PPFIA2: variants seen among roughly 807,000 people sequenced by gnomAD.
PPFIA2 encodes the protein PPFI scaffold protein A2.
In PPFIA2, 46 loss-of-function variants were observed where a neutral mutation model predicts 175.5. That is an observed-to-expected ratio of 0.26 (90% CI 0.21 to 0.34). The LOEUF (loss-of-function observed/expected upper bound fraction) is 0.34, where lower values mean the gene tolerates loss of function less well. PPFIA2 is among the 10% of genes least tolerant of loss of function. The probability of loss-of-function intolerance (pLI) is 1.00; values close to 1 mark genes in which losing one functional copy is unlikely to be tolerated. For synonymous variants in PPFIA2, 568 were observed against 511.4 expected, an observed-to-expected ratio of 1.11 and a Z score of -1.49; for missense variants, 1,179 against 1,506.1, an observed-to-expected ratio of 0.78 and a Z score of 3.60.
chr12:81,342,558 A>C (rs2058305105), intron 19 of PPFIA2, among the ~76,000 whole-genome samples: 1 of 152,112 alleles, frequency 6.6e-6, no homozygotes, highest in South Asian at 2.1e-4. Flanking sequence ...TTTTTATATA[A>C]TTCCTTTGCT....
chr12:81,314,576 C>T (rs2051841897), intron 22 of PPFIA2, among the ~76,000 whole-genome samples: 1 of 151,858 alleles, frequency 6.6e-6, no homozygotes, highest in Admixed American at 6.6e-5. Context: ...AAATGACCAG[C>T]AAACATATGT....
chr12:81,455,048 A>G (rs1377675121), intron 5 of PPFIA2, among the ~76,000 whole-genome samples: 1 of 152,132 alleles, frequency 6.6e-6, no homozygotes, highest in Non-Finnish European at 1.5e-5. Flanking sequence ...ACAATCTGAC[A>G]CCAATTAAAG....
At chr12:81,416,394 GA>G (rs1452746357) in intron 7 of PPFIA2, among the ~76,000 whole-genome samples, 1 of 151,568 alleles carries the variant, frequency 6.6e-6, no homozygotes, top group Non-Finnish European at 1.5e-5. Flanking sequence ...CCCTACCAAA[GA>G]TAAAGAAACT....
At chr12:81,629,036 T>C (rs928787720) in intron 4 of PPFIA2, among the ~76,000 whole-genome samples, 3 of 152,140 alleles carry the variant, frequency 2.0e-5, no homozygotes, top group Admixed American at 2.0e-4. Flanking sequence ...TTGACCTTTC[T>C]ACCTCTTCCA....
chr12:81,347,513 C>A lies in PPFIA2; in HGVS notation c.2232+20G>T, dbSNP rs377316879. The A allele has an allele frequency of 6.4e-7, 1 of 1,564,382 alleles. No homozygotes were observed. The highest frequency in any genetic ancestry group is 8.8e-7 in the Non-Finnish European group (1 of 1,135,098). On this transcript the variant is annotated intron_variant, in intron 18 of 32. Transcript: ENST00000549396. ...TTAATCTTAACAGGAGGCAAAGGTT[C>A]TCTGGACACATCACCATACCAGTGT...
chr12:81,473,592 C>T (rs965104322), intron 4 of PPFIA2, among the ~76,000 whole-genome samples: 39 of 152,140 alleles, frequency 2.6e-4, no homozygotes, highest in Admixed American at 1.4e-3. Context: ...CTGAAGCAGC[C>T]GCATAATATT....
chr12:81,648,524 T>G (rs969088384), intron 4 of PPFIA2, among the ~76,000 whole-genome samples: 1 of 151,944 alleles, frequency 6.6e-6, no homozygotes, highest in Non-Finnish European at 1.5e-5. Flanking sequence ...TATTCCATAT[T>G]CATGGATCAG....
At chr12:81,434,568 CAG>C in intron 7 of PPFIA2, among the ~76,000 whole-genome samples, 1 of 152,090 alleles carries the variant, frequency 6.6e-6, no homozygotes, top group East Asian at 1.9e-4. Context: ...AACCTGAAAG[CAG>C]AGAGTTAAGA....
intron 8 of PPFIA2, among the ~76,000 whole-genome samples, chr12:81,389,354 G>A (rs2039671317): frequency 1.3e-5 from 2 of 151,676 alleles, no homozygotes; most frequent in South Asian, 4.1e-4. Flanking sequence ...TGGGCTCAAG[G>A]TAAGAGAAAT....
chr12:81,662,238 T>G (rs2069035578), intron 4 of PPFIA2, among the ~76,000 whole-genome samples: 1 of 152,072 alleles, frequency 6.6e-6, no homozygotes, highest in African/African-American at 2.4e-5. Flanking sequence ...AAAAAAACCC[T>G]TCAAAAAATC....
At chr12:81,643,104 T>C (rs2065573659) in intron 4 of PPFIA2, among the ~76,000 whole-genome samples, 1 of 149,600 alleles carries the variant, frequency 6.7e-6, no homozygotes, top group Admixed American at 6.7e-5. Context: ...ATTTCATAAA[T>C]ATATTCATTT....
intron 4 of PPFIA2, among the ~76,000 whole-genome samples, chr12:81,655,154 TCTTA>T (rs1452522247): frequency 1.3e-5 from 2 of 152,074 alleles, no homozygotes; most frequent in African/African-American, 2.4e-5. Context: ...AGTGATATAC[TCTTA>T]CTGAGTTCTG....
chr12:81,320,365 A>G lies in PPFIA2; in HGVS notation c.2642+5412T>C, dbSNP rs1020572055. Among the ~76,000 whole-genome samples, 28 of 152,030 alleles carry G rather than the reference A, an allele frequency of 1.8e-4. 1 individual carries two copies. Among genetic ancestry groups the G allele is most frequent in the African/African-American group, 2.4e-5 (1 of 41,430 alleles). ...TAATTAAGTGTGACTGCTTTGCTCC[A>G]AGGATAAACTGCTTCTCGAGAGAGG... On this transcript the variant is annotated intron_variant, in intron 22 of 32. Coordinates refer to ENST00000549396, the MANE Select transcript of PPFIA2 (RefSeq NM_003625.5).
At chr12:81,677,643 G>A (rs1054124966) in intron 3 of PPFIA2, among the ~76,000 whole-genome samples, 1 of 151,604 alleles carries the variant, frequency 6.6e-6, no homozygotes, top group Non-Finnish European at 1.5e-5. Context: ...TATTCTCCAG[G>A]ATCATCCATG....
intron 4 of PPFIA2, among the ~76,000 whole-genome samples, chr12:81,544,182 T>C (rs1455044008): frequency 6.6e-6 from 1 of 152,194 alleles, no homozygotes; most frequent in African/African-American, 2.4e-5. Context: ...TTCTGTGCTA[T>C]CTTCACAATT....
intron 4 of PPFIA2, among the ~76,000 whole-genome samples, chr12:81,565,550 A>G (rs1285062247): frequency 5.3e-5 from 8 of 152,172 alleles, no homozygotes; most frequent in Non-Finnish European, 5.9e-5. Context: ...ACAGAACACT[A>G]ACTAATACAA....
intron 3 of PPFIA2, among the ~76,000 whole-genome samples, chr12:81,740,744 G>T (rs1047134665): frequency 2.0e-5 from 3 of 151,880 alleles, no homozygotes; most frequent in Admixed American, 6.6e-5. Context: ...AAAAATCTCA[G>T]GTTAAATAGA....
chr12:81,736,974 C>T (rs2081659510), intron 3 of PPFIA2, among the ~76,000 whole-genome samples: 1 of 151,930 alleles, frequency 6.6e-6, no homozygotes, highest in Non-Finnish European at 1.5e-5. Context: ...CAGGCTACTA[C>T]ATTTATCGTG....
chr12:81,737,443 T>A (rs1257710926), intron 3 of PPFIA2, among the ~76,000 whole-genome samples: 3 of 151,898 alleles, frequency 2.0e-5, no homozygotes, highest in Admixed American at 6.6e-5. Context: ...CCAAAAAAAA[T>A]AAATGTTCCC....
Sources: allele counts gnomAD v4.1 joint callset (sites outside exome capture counted in the v4.1 genomes callset), GRCh38; gene constraint gnomAD v4.1.1; transcripts MANE v1.5; gene names NCBI Gene and HGNC (gene_info 2026-07-23, HGNC 2026-07-21).